ANKS1B: variants seen among roughly 807,000 people sequenced by gnomAD.
The protein encoded by ANKS1B is ankyrin repeat and sterile alpha motif domain-containing protein 1B.
Under a neutral mutation model 148.3 loss-of-function variants are expected in ANKS1B, and 36 were observed. The observed-to-expected ratio is 0.24, with a 90% CI of 0.19 to 0.32. The LOEUF (loss-of-function observed/expected upper bound fraction) is 0.32. ANKS1B is among the 10% of genes least tolerant of loss of function. The pLI is 1.00. For missense variants in ANKS1B, 1,157 were observed against 1,542.6 expected (o/e 0.75, Z 4.19); for synonymous variants, 542 against 560.8 (o/e 0.97, Z 0.47).
chr12:99,037,312 C>T (rs896273389), intron 17 of ANKS1B, among the ~76,000 whole-genome samples: 2 of 152,034 alleles, frequency 1.3e-5, no homozygotes, highest in Non-Finnish European at 2.9e-5. Flanking sequence ...GTCAGGAGTT[C>T]GAGACCAGCC....
intron 17 of ANKS1B, chr12:98,894,795 G>C (rs1432458368): frequency 7.1e-6 from 7 of 984,630 alleles, no homozygotes; most frequent in East Asian, 2.3e-4. Context: ...GGGCGAGCGC[G>C]CCGAGGAAGG....
intron 12 of ANKS1B, among the ~76,000 whole-genome samples, chr12:99,336,632 C>T (rs1414256253): frequency 1.3e-5 from 2 of 151,906 alleles, no homozygotes; most frequent in Non-Finnish European, 2.9e-5. Context: ...CTGTGTTTTC[C>T]CAAATCTACG....
chr12:99,217,541 T>C (rs768505520), intron 14 of ANKS1B, among the ~76,000 whole-genome samples: 1 of 152,182 alleles, frequency 6.6e-6, no homozygotes. Context: ...TAACCTTATA[T>C]TGGCTTTTCC....
intron 24 of ANKS1B, among the ~76,000 whole-genome samples, chr12:98,780,441 T>A (rs957395475): frequency 1.3e-5 from 2 of 152,190 alleles, no homozygotes; most frequent in African/African-American, 4.8e-5. Context: ...AAAGGAATGC[T>A]TTTTCAGTAA....
At position 99,786,341 on chromosome 12, in the gene ANKS1B, C is replaced by T. The variant is rs368803965; in HGVS notation, c.670-4244G>A. The stretch of plus-strand genomic sequence containing the variant: ...GTATTTGTTCCAGGGAGTCTGTCAA[C>T]CAATGCTAGACTAGTGCCTGGACTT... On this transcript the variant is annotated intron_variant, in intron 4 of 26. Coordinates refer to ENST00000683438, the MANE Select transcript of ANKS1B (RefSeq NM_001352186.2). 3.4e-4 allele frequency among the ~76,000 whole-genome samples: 51 copies of T among 152,234 alleles called. No individual in the cohort carries two copies. The East Asian group carries it at 7.9e-3, about 24-fold the overall frequency.
intron 11 of ANKS1B, among the ~76,000 whole-genome samples, chr12:99,409,154 A>G (rs1029618708): frequency 3.3e-5 from 5 of 152,252 alleles, no homozygotes; most frequent in Non-Finnish European, 2.9e-5. Flanking sequence ...ACACAATGGC[A>G]TACTATTCGG....
chr12:99,193,028 T>TCTC (rs2080940696), intron 14 of ANKS1B, among the ~76,000 whole-genome samples: 1 of 152,230 alleles, frequency 6.6e-6, no homozygotes, highest in Non-Finnish European at 1.5e-5. Flanking sequence ...CTGTCTTCCA[T>TCTC]CTCTTAGACA....
At chr12:99,335,495 G>T (rs910351217) in intron 12 of ANKS1B, among the ~76,000 whole-genome samples, 2 of 150,356 alleles carry the variant, frequency 1.3e-5, no homozygotes, top group African/African-American at 4.9e-5. Flanking sequence ...CTCCCACCTG[G>T]TTCCCAGCTA....
chr12:99,624,812 T>C (rs2098093323), intron 9 of ANKS1B, among the ~76,000 whole-genome samples: 1 of 152,108 alleles, frequency 6.6e-6, no homozygotes, highest in Non-Finnish European at 1.5e-5. Context: ...GTAAACTACT[T>C]CTGCCACTGT....
At position 99,560,307 on chromosome 12, in the gene ANKS1B, C is replaced by G. The variant is rs369377390; in HGVS notation, c.1273-55666G>C. Among the ~76,000 whole-genome samples the G allele has an allele frequency of 2.6e-3, 396 of 152,084 alleles. 2 individuals carry two copies. The highest frequency in any genetic ancestry group is 9.4e-3 in the African/African-American group (389 of 41,490). On this transcript the variant is annotated intron_variant, in intron 9 of 26. Transcript: ENST00000683438. Reference sequence around the variant, plus strand: ...TTCACTTGAGTGTCTGAATACCACACGTTACCTCAATAGATATGTTGTTTT... The same window carrying G: ...TTCACTTGAGTGTCTGAATACCACAGGTTACCTCAATAGATATGTTGTTTT...
At chr12:98,842,164 A>G (rs1411853956) in intron 17 of ANKS1B, among the ~76,000 whole-genome samples, 1 of 152,250 alleles carries the variant, frequency 6.6e-6, no homozygotes, top group Non-Finnish European at 1.5e-5. Flanking sequence ...AAAATTAGCA[A>G]TAATCCAAAT....
At chr12:99,850,411 C>A (rs949287712) in intron 1 of ANKS1B, among the ~76,000 whole-genome samples, 2 of 151,274 alleles carry the variant, frequency 1.3e-5, no homozygotes, top group East Asian at 3.9e-4. Flanking sequence ...TTTATAAACT[C>A]TTTTCTCTTA....
Position 98,751,089 on chromosome 12 carries a change from C to T in ANKS1B, c.3747+266G>A, listed in dbSNP as rs1325415617. Among the ~76,000 whole-genome samples the T allele has an allele frequency of 6.6e-6, 1 of 152,208 alleles. No homozygotes were observed. Among genetic ancestry groups the T allele is most frequent in the African/African-American group, 2.4e-5 (1 of 41,450 alleles). Reference sequence around the variant, plus strand: ...GTAAGATTCACCAAGAACAGCAGTACCTGCTGCTGAGACCCTTCATAGGGT... The same window carrying T: ...GTAAGATTCACCAAGAACAGCAGTATCTGCTGCTGAGACCCTTCATAGGGT... On this transcript the variant is annotated intron_variant, in intron 26 of 26. Coordinates refer to ENST00000683438, the MANE Select transcript of ANKS1B (RefSeq NM_001352186.2). This position sits in a 1 kb window ranked among gnomAD's most constrained non-coding sequence, Gnocchi z 4.3.
At position 99,312,581 on chromosome 12, in the gene ANKS1B, C is replaced by A. The variant is rs577741202; in HGVS notation, c.1757-65717G>T. On this transcript the variant is annotated intron_variant, in intron 12 of 26. Transcript: ENST00000683438. ...CCTAAAACCTGTGCCAAGCAGCTTTCCTATCTTGTATTAGCATTGAGTTAA... is the reference window on the plus strand; with the variant it reads ...CCTAAAACCTGTGCCAAGCAGCTTTACTATCTTGTATTAGCATTGAGTTAA... Among the ~76,000 whole-genome samples the A allele has an allele frequency of 3.9e-5, 6 of 152,180 alleles. No homozygotes were observed. In the South Asian group the frequency reaches 1.0e-3, roughly 26 times the overall value.
At chr12:99,776,456 G>T (rs1193209312) in intron 6 of ANKS1B, among the ~76,000 whole-genome samples, 1 of 152,178 alleles carries the variant, frequency 6.6e-6, no homozygotes, top group African/African-American at 2.4e-5. Flanking sequence ...AGGTGGCAAA[G>T]CCAAATAAAT....
intron 11 of ANKS1B, among the ~76,000 whole-genome samples, chr12:99,413,261 G>T (rs2094779587): frequency 6.6e-6 from 1 of 152,148 alleles, no homozygotes; most frequent in African/African-American, 2.4e-5. Context: ...TGGGAGAGCT[G>T]AAATTAAAGT....
At position 99,130,848 on chromosome 12, in the gene ANKS1B, C is replaced by A. The variant is rs534736421; in HGVS notation, c.2526+23441G>T. Reference sequence around the variant, plus strand: ...ACTCTGCACTATTGTGTCTTCATGCCCCTTGGTACATGCTATTTCCTCTGC... The same window carrying A: ...ACTCTGCACTATTGTGTCTTCATGCACCTTGGTACATGCTATTTCCTCTGC... On this transcript the variant is annotated intron_variant, in intron 15 of 26. Transcript: ENST00000683438. Among the ~76,000 whole-genome samples the A allele has an allele frequency of 2.0e-5, 3 of 152,174 alleles. No individual in the cohort carries two copies. The East Asian group carries it at 5.8e-4, about 29-fold the overall frequency.
At chr12:99,839,200 A>C (rs943271951) in intron 1 of ANKS1B, among the ~76,000 whole-genome samples, 5 of 152,132 alleles carry the variant, frequency 3.3e-5, no homozygotes, top group Admixed American at 6.6e-5. Context: ...ATACAGCAAT[A>C]CCTCATCTTT....
chr12:99,838,435 T>C (rs17029835), intron 1 of ANKS1B, among the ~76,000 whole-genome samples: 3,625 of 152,238 alleles, frequency 0.024, 149 homozygotes, highest in African/African-American at 0.082. Flanking sequence ...ATTTTTTCTA[T>C]GAGTAGCTTG....
Sources: allele counts gnomAD v4.1 joint callset (sites outside exome capture counted in the v4.1 genomes callset), GRCh38; gene constraint gnomAD v4.1.1; non-coding constraint Gnocchi (gnomAD v3.1); transcripts MANE v1.5; gene names NCBI Gene and HGNC (gene_info 2026-07-23, HGNC 2026-07-21).